Variants in SOX5 observed in about 807,000 individuals in gnomAD.
SOX5 encodes transcription factor SOX-5.
Under a neutral mutation model 92.0 loss-of-function variants are expected in SOX5, and 9 were observed. The observed-to-expected ratio is 0.10, with a 90% confidence interval of 0.06 to 0.17. The LOEUF (loss-of-function observed/expected upper bound fraction) is 0.17, where lower values mean the gene tolerates loss of function less well. Ranked by LOEUF, SOX5 falls within the 10% of genes least tolerant of loss-of-function variation. The probability of loss-of-function intolerance (pLI) is 1.00; values close to 1 mark genes in which losing one functional copy is unlikely to be tolerated. For synonymous variants in SOX5, 344 were observed against 336.3 expected (o/e 1.02, Z -0.25); for missense variants, 642 against 944.5 (o/e 0.68, Z 4.20).
chr12:24,437,149 C>T (rs553829872), intron 1 of SOX5, among the ~76,000 whole-genome samples: 1 of 151,380 alleles, frequency 6.6e-6, no homozygotes, highest in Admixed American at 6.7e-5. Context: ...ATTCTGCAAC[C>T]TGCAGATCAA....
chr12:23,596,448 ATAAG>A (rs994082310), intron 9 of SOX5, among the ~76,000 whole-genome samples: 5 of 152,322 alleles, frequency 3.3e-5, no homozygotes, highest in Admixed American at 3.3e-4. Flanking sequence ...TCTTTTATGA[ATAAG>A]TAAGAATGTG....
At chr12:24,049,857 G>C (rs528555033) in intron 4 of SOX5, among the ~76,000 whole-genome samples, 1 of 151,486 alleles carries the variant, frequency 6.6e-6, no homozygotes, top group South Asian at 2.1e-4. Flanking sequence ...TGTGATTGTC[G>C]GAGGGAAGTG....
intron 7 of SOX5, among the ~76,000 whole-genome samples, chr12:23,659,610 T>G (rs2082756181): frequency 6.6e-6 from 1 of 152,208 alleles, no homozygotes; most frequent in Non-Finnish European, 1.5e-5. Flanking sequence ...AACTACATTT[T>G]CTAAAACTCA....
intron 6 of SOX5, among the ~76,000 whole-genome samples, chr12:23,697,865 A>C (rs2090099765): frequency 6.6e-6 from 1 of 152,136 alleles, no homozygotes; most frequent in Non-Finnish European, 1.5e-5. Context: ...ATTTACATTT[A>C]ATAAAATTAA....
At chr12:24,105,747 C>T (rs903677710) in intron 4 of SOX5, among the ~76,000 whole-genome samples, 21 of 152,014 alleles carry the variant, frequency 1.4e-4, no homozygotes, top group African/African-American at 4.6e-4. Context: ...TTCCAGTTTC[C>T]GAGTCATTTT....
chr12:23,635,010 G>A (rs901931108), intron 8 of SOX5, among the ~76,000 whole-genome samples: 1 of 152,104 alleles, frequency 6.6e-6, no homozygotes, highest in Non-Finnish European at 1.5e-5. Context: ...GTAAACCATT[G>A]ATGCTACAGA....
intron 4 of SOX5, among the ~76,000 whole-genome samples, chr12:24,071,625 G>A (rs995599653): frequency 1.8e-4 from 27 of 151,936 alleles, no homozygotes; most frequent in African/African-American, 6.5e-4. Flanking sequence ...TAGTAGAGAC[G>A]GGGTTTTACC....
At chr12:23,967,406 TTTAAG>T (rs1304451664) in intron 4 of SOX5, among the ~76,000 whole-genome samples, 1 of 152,042 alleles carries the variant, frequency 6.6e-6, no homozygotes, top group East Asian at 1.9e-4. Flanking sequence ...TGCAAAATAT[TTTAAG>T]TTATTTCTTA....
At chr12:24,224,284 A>G (rs950938213) in intron 3 of SOX5, among the ~76,000 whole-genome samples, 3 of 152,180 alleles carry the variant, frequency 2.0e-5, no homozygotes, top group Non-Finnish European at 4.4e-5. Context: ...TTGATTACTT[A>G]GAGCTAAGTC....
chr12:23,860,968 A>ACAAAC (rs1555390735), intron 2 of SOX5, among the ~76,000 whole-genome samples: 1 of 125,818 alleles, frequency 7.9e-6, no homozygotes, highest in African/African-American at 2.8e-5. Context: ...AAAAAAAAAA[A>ACAAAC]AAAAAAAAAA....
At chr12:23,835,498 C>T (rs1000532318) in intron 3 of SOX5, among the ~76,000 whole-genome samples, 2 of 151,622 alleles carry the variant, frequency 1.3e-5, no homozygotes, top group African/African-American at 2.4e-5. Context: ...CGCCCTCAGA[C>T]ATTTTTCTAA....
chr12:24,024,691 G>A (rs1347227146), intron 4 of SOX5, among the ~76,000 whole-genome samples: 1 of 151,912 alleles, frequency 6.6e-6, no homozygotes, highest in Non-Finnish European at 1.5e-5. Flanking sequence ...TGCTGTCAAG[G>A]TAACAAGTAG....
chr12:24,400,061 A>G (rs1472420762), intron 1 of SOX5, among the ~76,000 whole-genome samples: 2 of 152,210 alleles, frequency 1.3e-5, no homozygotes, highest in Non-Finnish European at 2.9e-5. Flanking sequence ...CAATCTGACC[A>G]TTAGCATTAG....
chr12:23,722,961 A>G (rs564080153), intron 6 of SOX5, among the ~76,000 whole-genome samples: 3 of 152,236 alleles, frequency 2.0e-5, no homozygotes, highest in African/African-American at 7.2e-5. Flanking sequence ...AGCATCCTCA[A>G]TTAGGGGCGG....
In SOX5 at chr12:23,772,442, C is replaced by A. The variant is rs534542523; in HGVS notation, c.482-16718G>T. On this transcript the variant is annotated intron_variant, in intron 3 of 14. Coordinates refer to ENST00000451604, the MANE Select transcript of SOX5 (RefSeq NM_006940.6). ...GAGAATGACCAACATTATGGAAAAT[C>A]ACTTACATCTTCTGTAAATATTTGA... 2.0e-5 allele frequency among the ~76,000 whole-genome samples: 3 copies of A among 152,280 alleles called. No individual in the cohort carries two copies. The East Asian group carries it at 5.8e-4, about 29-fold the overall frequency.
chr12:24,282,913 T>C (rs1268786051), intron 2 of SOX5, among the ~76,000 whole-genome samples: 12 of 152,258 alleles, frequency 7.9e-5, no homozygotes, highest in African/African-American at 2.4e-4. Flanking sequence ...TAGACAGCTT[T>C]ACCTTTGCAT....
intron 8 of SOX5, among the ~76,000 whole-genome samples, chr12:23,636,340 TTATTA>T (rs990239258): frequency 2.0e-5 from 3 of 152,192 alleles, no homozygotes; most frequent in African/African-American, 7.2e-5. Context: ...GAACAATTTT[TTATTA>T]TATAAGGATC....
chr12:23,874,544 A>G (rs2096907210), intron 2 of SOX5, among the ~76,000 whole-genome samples: 1 of 152,244 alleles, frequency 6.6e-6, no homozygotes, highest in Non-Finnish European at 1.5e-5. Flanking sequence ...TCCATCCAGT[A>G]AAGACTTGTC....
At chr12:24,237,714 T>C (rs1964784881) in intron 3 of SOX5, 1 of 152,212 alleles carries the variant, frequency 6.6e-6, no homozygotes, top group African/African-American at 2.4e-5. Flanking sequence ...GATAATATAC[T>C]ATTTTATTTA....
Sources: allele counts gnomAD v4.1 joint callset (sites outside exome capture counted in the v4.1 genomes callset), GRCh38; gene constraint gnomAD v4.1.1; transcripts MANE v1.5; gene names NCBI Gene and HGNC (gene_info 2026-07-23, HGNC 2026-07-21).